Variants in HTR7 observed in about 807,000 individuals in gnomAD.
The protein encoded by HTR7 is 5-hydroxytryptamine receptor 7, also known as 5-HT-7.
A neutral mutation model predicts 34.0 loss-of-function variants in HTR7; 16 were observed. The observed-to-expected ratio is 0.47, with a 90% CI of 0.32 to 0.71. The LOEUF is 0.71. Ranked by LOEUF, HTR7 falls within the 30% of genes least tolerant of loss-of-function variation. The pLI, the probability that HTR7 is intolerant of heterozygous loss-of-function variation, is 0.04. For missense variants in HTR7, 504 were observed against 625.5 expected (o/e 0.81, Z 2.07); for synonymous variants, 265 against 260.2 (o/e 1.02, Z -0.18).
In HTR7 at chr10:90,806,995, C is replaced by G. The variant is rs114948237; in HGVS notation, c.539+50138G>C. On this transcript the variant is annotated intron_variant, in intron 1 of 3. Coordinates refer to ENST00000336152, the MANE Select transcript of HTR7 (RefSeq NM_019859.4). ...GGTAAAACCAATTAACTACTGAAACCAGAGGGCATAATGTAAAGGAACTGT... is the reference window on the plus strand; with the variant it reads ...GGTAAAACCAATTAACTACTGAAACGAGAGGGCATAATGTAAAGGAACTGT... 1.6e-3 allele frequency among the ~76,000 whole-genome samples: 249 copies of G among 152,302 alleles called. 2 individuals carry two copies. The highest frequency in any genetic ancestry group is 5.7e-3 in the African/African-American group (238 of 41,558).
At chr10:90,834,771 G>A (rs980041212) in intron 1 of HTR7, among the ~76,000 whole-genome samples, 16 of 152,148 alleles carry the variant, frequency 1.1e-4, no homozygotes, top group Middle Eastern at 6.8e-3. Context: ...CCCTTTTCAC[G>A]TCTCTGCCTG....
At chr10:90,742,682 A>G (rs1844572521) in intron 3 of HTR7, among the ~76,000 whole-genome samples, 154 bp from the exon 4 acceptor site, 1 of 152,306 alleles carries the variant, frequency 6.6e-6, no homozygotes, top group African/African-American at 2.4e-5. Context: ...AAGGGAAAGA[A>G]AAAGTGTTGT....
chr10:90,828,940 A>T (rs1846122529), intron 1 of HTR7, among the ~76,000 whole-genome samples: 1 of 152,134 alleles, frequency 6.6e-6, no homozygotes, highest in South Asian at 2.1e-4. Context: ...AAAGAAAGAA[A>T]GAAAGAAAAA....
chr10:90,848,046 A>C (rs1358643033), intron 1 of HTR7, among the ~76,000 whole-genome samples: 1 of 151,288 alleles, frequency 6.6e-6, no homozygotes, highest in East Asian at 1.9e-4. Flanking sequence ...ATCCCATCTA[A>C]AAGCAATCAC....
At chr10:90,827,711 C>T (rs144567946) in intron 1 of HTR7, among the ~76,000 whole-genome samples, 9 of 152,206 alleles carry the variant, frequency 5.9e-5, no homozygotes, top group East Asian at 1.9e-4. Context: ...TACCCAACAC[C>T]GGAGTACCCA....
At chr10:90,757,001 A>G (rs1266979247) in intron 1 of HTR7, among the ~76,000 whole-genome samples, 1 of 152,136 alleles carries the variant, frequency 6.6e-6, no homozygotes, top group East Asian at 1.9e-4. Flanking sequence ...AATAAACTAA[A>G]TTTTCCAAAG....
chr10:90,815,100 TG>T (rs1444153935), intron 1 of HTR7, among the ~76,000 whole-genome samples: 2 of 151,814 alleles, frequency 1.3e-5, no homozygotes, highest in Admixed American at 6.6e-5. Context: ...TTTTTTGTTT[TG>T]TTTTTTTTGA....
At chr10:90,839,186 A>C (rs185146242) in intron 1 of HTR7, among the ~76,000 whole-genome samples, 1 of 152,354 alleles carries the variant, frequency 6.6e-6, no homozygotes, top group Admixed American at 6.5e-5. Context: ...GAACTCAGAA[A>C]ACTATCAAAT....
intron 1 of HTR7, among the ~76,000 whole-genome samples, chr10:90,854,410 C>T (rs1443908476): frequency 6.6e-6 from 1 of 152,088 alleles, no homozygotes; most frequent in Non-Finnish European, 1.5e-5. Context: ...AAAAGACCAT[C>T]CATGAAGAAA....
chr10:90,804,190 C>G (rs1215779162), intron 1 of HTR7, among the ~76,000 whole-genome samples: 1 of 152,114 alleles, frequency 6.6e-6, no homozygotes, highest in African/African-American at 2.4e-5. Context: ...TCACCTTCTT[C>G]CCGCACCATC....
chr10:90,848,505 G>T (rs1292745659), intron 1 of HTR7, among the ~76,000 whole-genome samples: 1 of 151,910 alleles, frequency 6.6e-6, no homozygotes, highest in South Asian at 2.1e-4. Flanking sequence ...ATATTTTGCT[G>T]CTTCTGCTCA....
At chr10:90,750,371 A>G (rs1844715069) in intron 1 of HTR7, among the ~76,000 whole-genome samples, 1 of 152,222 alleles carries the variant, frequency 6.6e-6, no homozygotes, top group South Asian at 2.1e-4. Context: ...GAGGGAATAA[A>G]TATTACTCCA....
chr10:90,848,506 C>G (rs1332258413), intron 1 of HTR7, among the ~76,000 whole-genome samples: 1 of 152,098 alleles, frequency 6.6e-6, no homozygotes, highest in Non-Finnish European at 1.5e-5. Flanking sequence ...TATTTTGCTG[C>G]TTCTGCTCAG....
chr10:90,789,056 T>C (rs79555367), intron 1 of HTR7, among the ~76,000 whole-genome samples: 2,509 of 152,324 alleles, frequency 0.016, 85 homozygotes, highest in African/African-American at 0.056. Context: ...TATAATGTTA[T>C]ATTGTCATCG....
intron 1 of HTR7, among the ~76,000 whole-genome samples, chr10:90,790,674 T>G (rs558041278): frequency 1.3e-5 from 2 of 152,180 alleles, no homozygotes; most frequent in Non-Finnish European, 2.9e-5. Flanking sequence ...TGAGCTACTG[T>G]TTCAGTTAAA....
At chr10:90,799,467 T>G (rs1845592810) in intron 1 of HTR7, among the ~76,000 whole-genome samples, 2 of 152,178 alleles carry the variant, frequency 1.3e-5, no homozygotes, top group African/African-American at 4.8e-5. Context: ...GGTGTCGGTA[T>G]CTGTCTGCAT....
intron 1 of HTR7, among the ~76,000 whole-genome samples, chr10:90,840,177 T>TCACACACA (rs35170324): frequency 0.015 from 2,089 of 136,812 alleles, 58 homozygotes; most frequent in African/African-American, 0.053. Context: ...TCTCTCTCTC[T>TCACACACA]CACACACACA....
intron 1 of HTR7, among the ~76,000 whole-genome samples, chr10:90,814,364 C>T (rs1471254968): frequency 6.6e-6 from 1 of 152,204 alleles, no homozygotes; most frequent in African/African-American, 2.4e-5. Flanking sequence ...GCTAAAGGGG[C>T]TCCTTCCAAA....
chr10:90,782,704 T>C (rs1036936323), intron 1 of HTR7, among the ~76,000 whole-genome samples: 1 of 152,194 alleles, frequency 6.6e-6, no homozygotes, highest in Non-Finnish European at 1.5e-5. Context: ...CCCTGATCCA[T>C]GGAGATGCTT....
Sources: allele counts gnomAD v4.1 joint callset (sites outside exome capture counted in the v4.1 genomes callset), GRCh38; gene constraint gnomAD v4.1.1; transcripts MANE v1.5; gene names NCBI Gene and HGNC (gene_info 2026-07-23, HGNC 2026-07-21).